Variants in SOX5 observed in about 807,000 individuals in gnomAD.
SOX5 encodes transcription factor SOX-5.
A neutral mutation model predicts 92.0 loss-of-function variants in SOX5; 9 were observed. The observed-to-expected ratio is 0.10, with a 90% confidence interval of 0.06 to 0.17. The LOEUF (loss-of-function observed/expected upper bound fraction) is 0.17, where lower values mean the gene tolerates loss of function less well. Ranked by LOEUF, SOX5 falls within the 10% of genes least tolerant of loss-of-function variation. SOX5 has a pLI of 1.00. For synonymous variants in SOX5, 344 were observed against 336.3 expected, an observed-to-expected ratio of 1.02 and a Z score of -0.25; for missense variants, 642 against 944.5, an observed-to-expected ratio of 0.68 and a Z score of 4.20.
At chr12:23,646,266 C>G (rs574857897) in intron 7 of SOX5, among the ~76,000 whole-genome samples, 1 of 152,156 alleles carries the variant, frequency 6.6e-6, no homozygotes, top group African/African-American at 2.4e-5. Context: ...CCTTGACCTC[C>G]TGGTCTCAGG....
chr12:23,615,455 G>T (rs760116756), intron 8 of SOX5, among the ~76,000 whole-genome samples: 1 of 151,648 alleles, frequency 6.6e-6, no homozygotes, highest in Non-Finnish European at 1.5e-5. Flanking sequence ...CAGATATTAA[G>T]CCTAGTACCC....
chr12:23,985,290 G>A (rs1949962735), intron 4 of SOX5, among the ~76,000 whole-genome samples: 1 of 151,150 alleles, frequency 6.6e-6, no homozygotes, highest in South Asian at 2.1e-4. Context: ...CATCACCCAG[G>A]CAGGCTGTAG....
At chr12:23,535,701 A>C (rs556764973) in intron 14 of SOX5, among the ~76,000 whole-genome samples, 1 of 152,248 alleles carries the variant, frequency 6.6e-6, no homozygotes, top group Admixed American at 6.5e-5. Flanking sequence ...ACTGGAGGGG[A>C]CAGAGCAGAT....
intron 4 of SOX5, among the ~76,000 whole-genome samples, chr12:24,187,426 T>C (rs761810677): frequency 6.6e-6 from 1 of 152,178 alleles, no homozygotes; most frequent in Non-Finnish European, 1.5e-5. Context: ...TATAGAAAAG[T>C]ACAAAGTATT....
chr12:24,078,881 G>A (rs554701557), intron 4 of SOX5, among the ~76,000 whole-genome samples: 1 of 152,052 alleles, frequency 6.6e-6, no homozygotes, highest in South Asian at 2.1e-4. Flanking sequence ...AACTTCCTTA[G>A]CAATGAAAGA....
intron 3 of SOX5, among the ~76,000 whole-genome samples, chr12:24,263,177 A>T (rs2140265022): frequency 6.6e-6 from 1 of 152,024 alleles, no homozygotes; most frequent in East Asian, 1.9e-4. Context: ...GTGAGCCAAG[A>T]TTGCACCACT....
At chr12:24,184,535 C>A (rs1299556640) in intron 4 of SOX5, among the ~76,000 whole-genome samples, 1 of 152,064 alleles carries the variant, frequency 6.6e-6, no homozygotes, top group Non-Finnish European at 1.5e-5. Context: ...TTTCAAAATA[C>A]TAAATGTGAT....
intron 1 of SOX5, among the ~76,000 whole-genome samples, chr12:24,535,012 C>A (rs1254108072): frequency 1.3e-5 from 2 of 152,184 alleles, no homozygotes; most frequent in Non-Finnish European, 1.5e-5. Flanking sequence ...ATGAGGTTTT[C>A]CCATCCCTTT....
chr12:24,089,105 T>G (rs1317959382), intron 4 of SOX5, among the ~76,000 whole-genome samples: 1 of 152,118 alleles, frequency 6.6e-6, no homozygotes, highest in East Asian at 1.9e-4. Context: ...AATATCTCAA[T>G]GTAAAAATAC....
intron 2 of SOX5, among the ~76,000 whole-genome samples, chr12:24,282,556 T>G (rs916181046): frequency 1.3e-5 from 2 of 151,776 alleles, no homozygotes; most frequent in Non-Finnish European, 2.9e-5. Context: ...TGTTGCCCAA[T>G]TTGAACAGGA....
At chr12:23,615,640 G>A (rs1056970170) in intron 8 of SOX5, among the ~76,000 whole-genome samples, 21 of 151,782 alleles carry the variant, frequency 1.4e-4, no homozygotes, top group African/African-American at 5.1e-4. Context: ...TAACGATAAT[G>A]GCCTCCAGTT....
At chr12:23,797,624 T>G in intron 3 of SOX5, among the ~76,000 whole-genome samples, 1 of 152,050 alleles carries the variant, frequency 6.6e-6, no homozygotes. Context: ...GATTTTGGAT[T>G]AAAAATTCTG....
rs556092773 is a variant in SOX5, at chr12:23,661,656, T to G, written c.931+3788A>C. On this transcript the variant is annotated intron_variant, in intron 7 of 14. Coordinates refer to ENST00000451604, the MANE Select transcript of SOX5 (RefSeq NM_006940.6). ...TTATATTTTATTTCAAAAATATGTA[T>G]CTGACACAAGCTTCACAGCTCACAT... Among the ~76,000 whole-genome samples, 182 of 152,288 alleles carry G rather than the reference T, an allele frequency of 1.2e-3. 1 individual carries two copies. Among genetic ancestry groups the G allele is most frequent in the African/African-American group, 4.0e-3 (165 of 41,554 alleles).
chr12:24,222,753 C>A (rs1048062904), intron 3 of SOX5, among the ~76,000 whole-genome samples: 2 of 152,134 alleles, frequency 1.3e-5, no homozygotes, highest in Non-Finnish European at 2.9e-5. Context: ...TATATTAGCT[C>A]TTCCAAGCAA....
chr12:24,103,698 T>A (rs1946353740), intron 4 of SOX5, among the ~76,000 whole-genome samples: 1 of 152,210 alleles, frequency 6.6e-6, no homozygotes, highest in Non-Finnish European at 1.5e-5. Flanking sequence ...ATGAAAGAAT[T>A]GTACATGGAG....
intron 4 of SOX5, among the ~76,000 whole-genome samples, chr12:23,973,824 T>G (rs565270881): frequency 1.2e-4 from 18 of 152,148 alleles, no homozygotes; most frequent in Non-Finnish European, 2.5e-4. Flanking sequence ...CTCATAGGAG[T>G]GGAAACCCTA....
chr12:24,409,382 G>A (rs531313232), intron 1 of SOX5, among the ~76,000 whole-genome samples: 3 of 152,228 alleles, frequency 2.0e-5, no homozygotes, highest in East Asian at 3.9e-4. Flanking sequence ...GTCAATAGGT[G>A]TAGCAAACCA....
At position 23,831,203 on chromosome 12, in the gene SOX5, C is replaced by T. The variant is rs186863369; in HGVS notation, c.481+14780G>A. Among the ~76,000 whole-genome samples, 249 of 151,862 alleles carry T rather than the reference C, an allele frequency of 1.6e-3. 1 individual carries two copies. The highest frequency in any genetic ancestry group is 5.7e-3 in the African/African-American group (235 of 41,424). ...ATACAAGTATCATAGAAGGTGCAAT[C>T]AATTAAAGTGAATTATTTTTGTGAC... On this transcript the variant is annotated intron_variant, in intron 3 of 14. Transcript: ENST00000451604.
At chr12:23,766,912 A>C (rs2094749111) in intron 3 of SOX5, among the ~76,000 whole-genome samples, 1 of 152,178 alleles carries the variant, frequency 6.6e-6, no homozygotes, top group African/African-American at 2.4e-5. Flanking sequence ...TAACTCTTAA[A>C]TAAGGGATTA....
Sources: allele counts gnomAD v4.1 joint callset (sites outside exome capture counted in the v4.1 genomes callset), GRCh38; gene constraint gnomAD v4.1.1; transcripts MANE v1.5; gene names NCBI Gene and HGNC (gene_info 2026-07-23, HGNC 2026-07-21).